Variants in EPS15 observed in about 807,000 individuals in gnomAD.
EPS15 encodes epidermal growth factor receptor pathway substrate 15, also known as epidermal growth factor receptor substrate 15.
EPS15 carries 72 observed loss-of-function variants against 113.8 expected under a neutral mutation model. The ratio of observed to expected loss-of-function variants is 0.63; its 90% CI spans 0.52 to 0.77. The LOEUF is 0.77. Among genes scored for constraint, EPS15 ranks in the 30% least tolerant of loss-of-function variants. The pLI is 0.00. For missense variants in EPS15, 1,048 were observed against 1,045.8 expected (o/e 1.00, Z -0.03); for synonymous variants, 344 against 363.4 (o/e 0.95, Z 0.61).
intron 24 of EPS15, among the ~76,000 whole-genome samples, chr1:51,357,392 ATATATATATATATAT>A (rs1298684305): frequency 1.7e-5 from 1 of 59,092 alleles, no homozygotes; most frequent in Non-Finnish European, 2.8e-5. Context: ...AAAAAAAAAA[ATATATATATATATAT>A]ATATATATAT....
chr1:51,453,996 G>A (rs1653777586), intron 8 of EPS15, among the ~76,000 whole-genome samples: 1 of 140,856 alleles, frequency 7.1e-6, no homozygotes, highest in Non-Finnish European at 1.5e-5. Context: ...GCTGCAGTGA[G>A]TCAAGATCTC....
intron 16 of EPS15, among the ~76,000 whole-genome samples, chr1:51,404,393 A>T (rs1156315786): frequency 6.6e-6 from 1 of 151,836 alleles, no homozygotes; most frequent in Non-Finnish European, 1.5e-5. Context: ...AAAAAAAAAA[A>T]GTAGCAGGGC....
intron 8 of EPS15, among the ~76,000 whole-genome samples, chr1:51,453,418 C>T (rs1653734272): frequency 6.6e-6 from 1 of 152,086 alleles, no homozygotes; most frequent in Non-Finnish European, 1.5e-5. Context: ...GAACAGAATA[C>T]TTTTAATACT....
chr1:51,487,389 T>C (rs1365197350), intron 1 of EPS15, among the ~76,000 whole-genome samples: 5 of 152,226 alleles, frequency 3.3e-5, no homozygotes, highest in Non-Finnish European at 5.9e-5. Flanking sequence ...AATGGAGCTA[T>C]TTTATTGATC....
chr1:51,387,766 C>T (rs1450216868), intron 21 of EPS15, among the ~76,000 whole-genome samples: 1 of 151,894 alleles, frequency 6.6e-6, no homozygotes, highest in African/African-American at 2.4e-5. Context: ...ACAAGAAGAG[C>T]TAACTATCCT....
Position 51,361,344 on chromosome 1 carries a change from TG to T in EPS15, c.2370del (p.Ile791SerfsTer12). The T allele has an allele frequency of 6.2e-7, 1 of 1,610,962 alleles. No homozygotes were observed. On this transcript the variant is annotated frameshift_variant, in exon 24 of 25. Coordinates refer to ENST00000371733, the MANE Select transcript of EPS15 (RefSeq NM_001981.3). LOFTEE classifies it high-confidence loss of function. ...RPCPLPPGKR[S>X]INKLDSPDPF... ...GGATCAGGAGAATCCAATTTGTTGA[TG>T]GATCTTTTCCCTGGATCAAAATCAT...
At chr1:51,503,380 A>ATAC (rs752554859) in intron 1 of EPS15, among the ~76,000 whole-genome samples, 42 of 152,350 alleles carry the variant, frequency 2.8e-4, no homozygotes, top group South Asian at 1.7e-3. Flanking sequence ...TCATGCCTGT[A>ATAC]ATCCCAGCAC....
At chr1:51,395,539 CAT>C (rs1647848305) in intron 20 of EPS15, among the ~76,000 whole-genome samples, 2 of 152,108 alleles carry the variant, frequency 1.3e-5, no homozygotes, top group South Asian at 4.2e-4. Flanking sequence ...CACACACACA[CAT>C]ATACACAAAG....
intron 1 of EPS15, among the ~76,000 whole-genome samples, chr1:51,503,257 C>T (rs1424152825): frequency 1.3e-5 from 2 of 152,224 alleles, no homozygotes; most frequent in Non-Finnish European, 2.9e-5. Flanking sequence ...TTCCAACTGA[C>T]TGTTTTGTAG....
intron 21 of EPS15, among the ~76,000 whole-genome samples, chr1:51,378,910 A>G (rs1260035233): frequency 6.6e-6 from 1 of 152,208 alleles, no homozygotes; most frequent in Non-Finnish European, 1.5e-5. Flanking sequence ...AAAGAGGCAG[A>G]GAGCTTATTT....
intron 12 of EPS15, among the ~76,000 whole-genome samples, chr1:51,433,111 G>A (rs1651864182): frequency 6.6e-6 from 1 of 152,010 alleles, no homozygotes. Context: ...TTAAAAAATC[G>A]GTTCTTGAAT....
intron 1 of EPS15, among the ~76,000 whole-genome samples, chr1:51,508,665 A>G (rs1644566642): frequency 6.6e-6 from 1 of 152,104 alleles, no homozygotes; most frequent in Non-Finnish European, 1.5e-5. Context: ...CTGTTAAAAT[A>G]TATATATAAA....
chr1:51,480,049 G>C (rs1643991570), intron 2 of EPS15, among the ~76,000 whole-genome samples: 1 of 152,134 alleles, frequency 6.6e-6, no homozygotes, highest in Admixed American at 6.6e-5. Context: ...AATGTAACAG[G>C]GGAATTAAAA....
chr1:51,462,772 A>T (rs953597531), intron 7 of EPS15, among the ~76,000 whole-genome samples: 2 of 152,102 alleles, frequency 1.3e-5, no homozygotes, highest in African/African-American at 4.8e-5. Context: ...AATACCACTG[A>T]ATTGTACACT....
At chr1:51,472,566 T>C (rs1655319621) in intron 3 of EPS15, among the ~76,000 whole-genome samples, 1 of 152,152 alleles carries the variant, frequency 6.6e-6, no homozygotes, top group Non-Finnish European at 1.5e-5. Context: ...AGTCTTTGAG[T>C]GTGTGGCAAG....
chr1:51,497,671 C>G (rs757804730), intron 1 of EPS15, among the ~76,000 whole-genome samples: 5 of 152,144 alleles, frequency 3.3e-5, no homozygotes, highest in African/African-American at 4.8e-5. Context: ...AAAAATATCA[C>G]TTAAATCAGC....
At chr1:51,440,619 GAC>G (rs1652523796) in intron 11 of EPS15, among the ~76,000 whole-genome samples, 187 bp from the exon 12 acceptor site, 1 of 151,844 alleles carries the variant, frequency 6.6e-6, no homozygotes, top group African/African-American at 2.4e-5. Context: ...TATATAGTAA[GAC>G]ATTTACATTT....
At chr1:51,426,220 T>C (rs1395328125) in intron 12 of EPS15, among the ~76,000 whole-genome samples, 8 of 151,566 alleles carry the variant, frequency 5.3e-5, no homozygotes, top group Non-Finnish European at 1.2e-4. Context: ...TCTTTCCGCC[T>C]CTTCTAATGT....
intron 21 of EPS15, among the ~76,000 whole-genome samples, chr1:51,368,885 C>T (rs948351245): frequency 6.6e-6 from 1 of 152,060 alleles, no homozygotes; most frequent in Non-Finnish European, 1.5e-5. Context: ...TTATAGGCCA[C>T]GTGCCCGGCT....
Sources: gnomAD v4.1 joint callset for allele counts (sites outside exome capture counted in the v4.1 genomes callset) on GRCh38, gnomAD v4.1.1 for gene constraint, MANE v1.5 for transcripts, NCBI Gene and HGNC (gene_info 2026-07-23, HGNC 2026-07-21) for gene names.